Variants in USP9X observed in about 807,000 individuals in gnomAD.
The protein encoded by USP9X is ubiquitin carboxyl-terminal hydrolase 9X.
USP9X carries 7 observed loss-of-function variants against 190.3 expected under a neutral mutation model. That is an observed-to-expected ratio of 0.04 (90% CI 0.02 to 0.07). USP9X has a LOEUF of 0.07. Ranked by LOEUF, USP9X falls within the 10% of genes least tolerant of loss-of-function variation. The pLI is 1.00. For synonymous variants in USP9X, 645 were observed against 659.5 expected, an observed-to-expected ratio of 0.98 and a Z score of 0.34; for missense variants, 1,010 against 1,916.9, an observed-to-expected ratio of 0.53 and a Z score of 8.83.
chrX:41,205,903 T>C (rs1349819719), intron 32 of USP9X, among the ~76,000 whole-genome samples: 1 of 104,772 alleles, frequency 9.5e-6, no homozygotes, highest in African/African-American at 3.5e-5. Context: ...TTCTTTTTTT[T>C]TTTTGAGATG....
intron 21 of USP9X, among the ~76,000 whole-genome samples, chrX:41,181,588 A>G (rs2062827492): frequency 9.3e-6 from 1 of 107,751 alleles, no homozygotes; most frequent in African/African-American, 3.4e-5. Context: ...AGCTGGGATT[A>G]CAGATGGACG....
chrX:41,100,644 A>AT (rs971062884), intron 1 of USP9X, among the ~76,000 whole-genome samples: 2 of 111,046 alleles, frequency 1.8e-5, no homozygotes, highest in Admixed American at 9.6e-5. Context: ...TTTTTTATTT[A>AT]TTTAAAAAAA....
In USP9X at chrX:41,229,725, A is replaced by G; in HGVS notation, c.7377A>G (p.Arg2459=). 8.2e-7 allele frequency: 1 copy of G among 1,212,122 alleles called. No homozygotes were observed. Among genetic ancestry groups the G allele is most frequent in the Non-Finnish European group, 1.1e-6 (1 of 895,629 alleles). The change falls in exon 43 of 45, where the codon AGA becomes AGG. Residue 2459 remains arginine, a synonymous_variant. Coordinates refer to ENST00000378308, the MANE Select transcript of USP9X (RefSeq NM_001039591.3). ...NETSNGYFLE[R]SHSARMTLAK... is the part of the protein sequence containing the mutation. Reference sequence around the variant, plus strand: ...CGTCCAATGGTTATTTCTTGGAGAGATCACATAGTGCTAGGATGACACTTG... The same window carrying G: ...CGTCCAATGGTTATTTCTTGGAGAGGTCACATAGTGCTAGGATGACACTTG...
chrX:41,217,675 C>T (rs959257455), intron 36 of USP9X, among the ~76,000 whole-genome samples: 2 of 111,280 alleles, frequency 1.8e-5, no homozygotes, highest in Admixed American at 1.9e-4. Context: ...TGCTTGAGCT[C>T]GGGAGTTCAG....
At chrX:41,122,075 T>A (rs2062194647) in intron 1 of USP9X, among the ~76,000 whole-genome samples, 1 of 110,337 alleles carries the variant, frequency 9.1e-6, no homozygotes, top group Non-Finnish European at 1.9e-5. Context: ...CCTCTTAAAA[T>A]TTTACCAGAG....
At position 41,123,542 on chromosome X, in the gene USP9X, T is replaced by C; in HGVS notation, c.-87T>C. ...TTTTAAGACTGACAAATGCTGGTAC[T>C]TCATCTTCTATAAGTGGACTATAAT... On this transcript the variant is annotated 5_prime_UTR_variant, in exon 2 of 45. Transcript: ENST00000378308. The C allele has an allele frequency of 1.3e-6, 1 of 795,315 alleles. No individual in the cohort carries two copies. The highest frequency in any genetic ancestry group is 1.9e-6 in the Non-Finnish European group (1 of 533,698). The allele number at this position is 795,315 out of a possible 1,213,427, so 65.5% of individuals were successfully genotyped here.
Position 41,225,149 on chromosome X carries a change from T to C in USP9X, c.7061+12T>C, listed in dbSNP as rs758260439. 3.3e-6 allele frequency: 4 copies of C among 1,200,171 alleles called. No individual in the cohort carries two copies. The highest frequency in any genetic ancestry group is 1.7e-5 in the African/African-American group (1 of 57,530). The stretch of plus-strand genomic sequence containing the variant: ...TGGCAAACTCACAGGTGGATACTCT[T>C]TTTGTGACTGGAAACAATTAGGCTT... On this transcript the variant is annotated intron_variant, in intron 41 of 44. Coordinates refer to ENST00000378308, the MANE Select transcript of USP9X (RefSeq NM_001039591.3).
chrX:41,104,690 C>G (rs1175634259), intron 1 of USP9X, among the ~76,000 whole-genome samples: 1 of 111,583 alleles, frequency 9.0e-6, no homozygotes, highest in East Asian at 2.8e-4. Context: ...CTTGTTAAAA[C>G]ACCTGCTCTT....
intron 13 of USP9X, among the ~76,000 whole-genome samples, chrX:41,152,738 A>G (rs1447983038): frequency 1.8e-5 from 2 of 110,934 alleles, no homozygotes; most frequent in African/African-American, 3.3e-5. Flanking sequence ...ATAGTGATGG[A>G]TGCTTTTTGT....
rs1050829887 is a variant in USP9X at position 41,235,823 on chromosome X, G to T, written c.*3299G>T. 4 of 111,648 alleles carry T rather than the reference G, an allele frequency of 3.6e-5. No homozygotes were observed. The highest frequency in any genetic ancestry group is 1.3e-4 in the African/African-American group (4 of 30,727). The allele number at this position is 111,648 out of a possible 1,213,427, so 9.2% of individuals were successfully genotyped here. A position where few individuals can be genotyped will look rare whatever the true frequency, so the allele number is the denominator to read the frequency against. On this transcript the variant is annotated 3_prime_UTR_variant, in exon 45 of 45. Coordinates refer to ENST00000378308, the MANE Select transcript of USP9X (RefSeq NM_001039591.3). ...CTATTTTTTTCATGATTAACTTAGT[G>T]AATAACTTAAATCCTTAATCCTCGT...
At chrX:41,090,581 C>G (rs1333999939) in intron 1 of USP9X, among the ~76,000 whole-genome samples, 2 of 112,315 alleles carry the variant, frequency 1.8e-5, no homozygotes, top group African/African-American at 6.5e-5. Context: ...CAAGGATTTT[C>G]TACCACCTCT....
At chrX:41,120,316 A>G (rs753194271) in intron 1 of USP9X, among the ~76,000 whole-genome samples, 7 of 111,980 alleles carry the variant, frequency 6.3e-5, no homozygotes, top group African/African-American at 1.9e-4. Context: ...ACTAGTTCCT[A>G]CTGTATACAT....
intron 1 of USP9X, among the ~76,000 whole-genome samples, chrX:41,095,589 TAGG>T (rs1338970952): frequency 9.0e-6 from 1 of 111,407 alleles, no homozygotes; most frequent in African/African-American, 3.3e-5. Flanking sequence ...TAAGAACTAG[TAGG>T]AGAGTGTGCA....
chrX:41,118,418 A>G (rs1419265925), intron 1 of USP9X, among the ~76,000 whole-genome samples: 1 of 111,748 alleles, frequency 8.9e-6, no homozygotes, highest in Non-Finnish European at 1.9e-5. Flanking sequence ...ACTTAGCATG[A>G]TGTCCTCAAG....
At chrX:41,200,836 G>A (rs1057350025) in intron 30 of USP9X, among the ~76,000 whole-genome samples, 12 of 111,888 alleles carry the variant, frequency 1.1e-4, no homozygotes, top group Non-Finnish European at 1.5e-4. Context: ...CATATGAAAC[G>A]GGTTTGCGGG....
In USP9X at chrX:41,228,768, C is replaced by G. The variant is rs762753013; in HGVS notation, c.7062-485C>G. Among the ~76,000 whole-genome samples, 5 of 112,335 alleles carry G rather than the reference C, an allele frequency of 4.5e-5. No individual in the cohort carries two copies. In the East Asian group the frequency reaches 1.1e-3, roughly 25 times the overall value. ...ACTCTGGAGTCACACTGCTCCGCAG[C>G]TATATGACCTCGGCAAGCTGTGTAA... On this transcript the variant is annotated intron_variant, in intron 41 of 44. Transcript: ENST00000378308.
chrX:41,158,244 C>G (rs1478186779), intron 14 of USP9X, among the ~76,000 whole-genome samples: 1 of 111,026 alleles, frequency 9.0e-6, no homozygotes, highest in African/African-American at 3.3e-5. Flanking sequence ...AGACAAGAAG[C>G]TTAAAAAAGA....
chrX:41,155,095 C>T (rs1437831242), intron 14 of USP9X, among the ~76,000 whole-genome samples: 1 of 111,802 alleles, frequency 8.9e-6, no homozygotes, highest in East Asian at 2.8e-4. Context: ...ATGATAACAT[C>T]AGGCTTTCAC....
chrX:41,086,442 G>GC lies in USP9X; in HGVS notation c.-159+340dup, dbSNP rs1192276452. 2.4e-3 allele frequency among the ~76,000 whole-genome samples: 265 copies of GC among 111,362 alleles called. 1 individual carries two copies. Among genetic ancestry groups the GC allele is most frequent in the Non-Finnish European group, 4.2e-3 (223 of 52,534 alleles). Reference sequence around the variant, plus strand: ...ATGGAGTCTCCGGGCGTGGCGGGCAGCCCCCCCGCCGTCCGCACCCGGGGG... The same window carrying GC: ...ATGGAGTCTCCGGGCGTGGCGGGCAGCCCCCCCCGCCGTCCGCACCCGGGGG... On this transcript the variant is annotated intron_variant, in intron 1 of 44. Coordinates refer to ENST00000378308, the MANE Select transcript of USP9X (RefSeq NM_001039591.3).
Sources: gnomAD v4.1 joint callset for allele counts (sites outside exome capture counted in the v4.1 genomes callset) on GRCh38, gnomAD v4.1.1 for gene constraint, MANE v1.5 for transcripts, NCBI Gene and HGNC (gene_info 2026-07-23, HGNC 2026-07-21) for gene names.